The following FRAT2 variants were observed in gnomAD, a reference collection of about 807,000 sequenced individuals.
The protein encoded by FRAT2 is GSK-3-binding protein FRAT2.
For synonymous variants in FRAT2, 205 were observed against 171.5 expected (o/e 1.20, Z -1.53); for missense variants, 326 against 340.8 (o/e 0.96, Z 0.34).
rs1046160805 is a variant in FRAT2, at chr10:97,334,728, A to C, written c.-156T>G. 21 of 855,988 alleles carry C rather than the reference A, an allele frequency of 2.5e-5. No homozygotes were observed. Among genetic ancestry groups the C allele is most frequent in the Non-Finnish European group, 3.3e-5 (21 of 628,760 alleles). 53.0% of individuals were successfully genotyped at this position (855,988 alleles called of 1,614,324 possible). Reference sequence around the variant, plus strand: ...CGCGCCTGCAGCCGCTGGAGCCGGAATCCTGCCGGCTCGGGTTGATTTGTA... The same window carrying C: ...CGCGCCTGCAGCCGCTGGAGCCGGACTCCTGCCGGCTCGGGTTGATTTGTA... On this transcript the variant is annotated 5_prime_UTR_variant, in exon 1 of 1. Coordinates refer to ENST00000371019, the MANE Select transcript of FRAT2 (RefSeq NM_012083.3).
chr10:97,334,041 G>T lies in FRAT2; in HGVS notation c.532C>A (p.Leu178Ile). The change falls in exon 1 of 1, where the codon CTC (leucine) becomes ATC (isoleucine). Residue 178 changes from leucine to isoleucine, a missense_variant. Coordinates refer to ENST00000371019, the MANE Select transcript of FRAT2 (RefSeq NM_012083.3). ...ARAGDDDPHR[L>I]LQQLVLSGNL... ...CCCGAGAGCACGAGCTGCTGGAGGAGCCGATGCGGGTCGTCGTCGCCGGCG... is the reference window on the plus strand; with the variant it reads ...CCCGAGAGCACGAGCTGCTGGAGGATCCGATGCGGGTCGTCGTCGCCGGCG... 6.3e-7 allele frequency: 1 copy of T among 1,596,272 alleles called. No homozygotes were observed.
At position 97,333,325 on chromosome 10, in the gene FRAT2, T is replaced by G. The variant is rs1203915859; in HGVS notation, c.*546A>C. On this transcript the variant is annotated 3_prime_UTR_variant, in exon 1 of 1. Transcript: ENST00000371019. ...TCTCCCACCTTCACCAGCCACCGAA[T>G]CGGTGGGAAAAAGGGGCAATGCCAA... 2 of 152,324 alleles carry G rather than the reference T, an allele frequency of 1.3e-5. No homozygotes were observed. Among genetic ancestry groups the G allele is most frequent in the Non-Finnish European group, 2.9e-5 (2 of 68,148 alleles). 9.4% of individuals were successfully genotyped at this position (152,324 alleles called of 1,614,324 possible).
In FRAT2 at chr10:97,334,251, A is replaced by G. The variant is rs1309817127; in HGVS notation, c.322T>C (p.Ser108Pro). Residue 108 changes from serine to proline, a missense_variant, in exon 1 of 1, where the codon TCT becomes CCT. By Grantham distance (74) the Ser-to-Pro change is moderately conservative. Transcript: ENST00000371019. Reference sequence around the variant, plus strand: ...CCTAGGGCGCAGCGCAGGGCCCCAGAGGGCGCCGGGCCCACCGTCTCAGCC... The same window carrying G: ...CCTAGGGCGCAGCGCAGGGCCCCAGGGGGCGCCGGGCCCACCGTCTCAGCC... ...ASAETVGPAP[S>P]GALRCALGDR... 5.9e-6 allele frequency: 7 copies of G among 1,193,178 alleles called. No individual in the cohort carries two copies. The East Asian group carries it at 2.5e-4, about 43-fold the overall frequency. 73.9% of individuals were successfully genotyped at this position (1,193,178 alleles called of 1,614,324 possible).
chr10:97,334,648 C>T lies in FRAT2; in HGVS notation c.-76G>A. The T allele has an allele frequency of 7.7e-7, 1 of 1,296,540 alleles. No homozygotes were observed. The highest frequency in any genetic ancestry group is 3.1e-5 in the East Asian group (1 of 31,750). 80.3% of individuals were successfully genotyped at this position (1,296,540 alleles called of 1,614,324 possible). A position where few individuals can be genotyped will look rare whatever the true frequency, so the allele number is the denominator to read the frequency against. On this transcript the variant is annotated 5_prime_UTR_variant, in exon 1 of 1. Transcript: ENST00000371019. The stretch of plus-strand genomic sequence containing the variant: ...TTGCCCGCGGGCGCGGAGCTGCGGG[C>T]GAAGCCGGAGCAGGGGCGGACGCGG...
Position 97,334,578 on chromosome 10 carries a change from C to T in FRAT2, c.-6G>A. ...TCCTCCCTCCGGCACGGCATGGCCC[C>T]CCGTCCTGGCACCCGGAGCTGTGCG... On this transcript the variant is annotated 5_prime_UTR_variant, in exon 1 of 1. Coordinates refer to ENST00000371019, the MANE Select transcript of FRAT2 (RefSeq NM_012083.3). The T allele has an allele frequency of 7.0e-7, 1 of 1,436,200 alleles. No individual in the cohort carries two copies. Among genetic ancestry groups the T allele is most frequent in the African/African-American group, 1.5e-5 (1 of 68,224 alleles). 89.0% of individuals were successfully genotyped at this position (1,436,200 alleles called of 1,614,324 possible).
In FRAT2 at chr10:97,333,914, C is replaced by T. The variant is rs1296738759; in HGVS notation, c.659G>A (p.Gly220Glu). The T allele has an allele frequency of 6.4e-7, 1 of 1,569,168 alleles. No homozygotes were observed. Among genetic ancestry groups the T allele is most frequent in the South Asian group, 1.2e-5 (1 of 86,614 alleles). Residue 220 changes from glycine (G) to glutamate (E), a missense_variant, in exon 1 of 1, where the codon GGA becomes GAA. Gly to Glu is a moderately conservative substitution (Grantham distance 98, BLOSUM62 -2). Coordinates refer to ENST00000371019, the MANE Select transcript of FRAT2 (RefSeq NM_012083.3). ...GGGCTGCAGGGCAATGCGGTCAGGT[C>T]CGCTGCGGCCTCCCCCGGGCCCAGG... ...SAPGPGGGRS[G>E]PDRIALQPSG...
Position 97,333,960 on chromosome 10 carries a change from C to G in FRAT2, c.613G>C (p.Ala205Pro), listed in dbSNP as rs901798633. 4 of 1,578,940 alleles carry G rather than the reference C, an allele frequency of 2.5e-6. No homozygotes were observed. The African/African-American group carries it at 4.0e-5, about 16-fold the overall frequency. ...RLQRAVAAVAATGPASAPGPG... is the reference protein window; with the variant it reads ...RLQRAVAAVAPTGPASAPGPG... Reference sequence around the variant, plus strand: ...CCAGGGGCGCTTGCGGGGCCCGTGGCTGCAACCGCGGCGACGGCTCGTTGG... The same window carrying G: ...CCAGGGGCGCTTGCGGGGCCCGTGGGTGCAACCGCGGCGACGGCTCGTTGG... The change falls in exon 1 of 1, where the codon GCC becomes CCC. Residue 205 changes from alanine (A) to proline (P), a missense_variant. Coordinates refer to ENST00000371019, the MANE Select transcript of FRAT2 (RefSeq NM_012083.3).
In FRAT2 at chr10:97,334,309, G is replaced by A. The variant is rs1391145222; in HGVS notation, c.264C>T (p.Pro88=). The change falls in exon 1 of 1, where the codon CCC becomes CCT. Residue 88 remains proline, a synonymous_variant. Coordinates refer to ENST00000371019, the MANE Select transcript of FRAT2 (RefSeq NM_012083.3). ...AAAVPADKAR[P]PAVPLLLPPA... ...GCGGCAGCAGCAGCGGCACCGCCGGGGGCCGGGCCTTGTCCGCCGGCACCG... is the reference window on the plus strand; with the variant it reads ...GCGGCAGCAGCAGCGGCACCGCCGGAGGCCGGGCCTTGTCCGCCGGCACCG... The A allele has an allele frequency of 1.6e-5, 18 of 1,136,296 alleles. No individual in the cohort carries two copies. The highest frequency in any genetic ancestry group is 1.8e-5 in the Non-Finnish European group (17 of 928,410). The allele number at this position is 1,136,296 out of a possible 1,614,324, so 70.4% of individuals were successfully genotyped here.
chr10:97,334,480 C>G lies in FRAT2; in HGVS notation c.93G>C (p.Ser31=). 4 of 1,493,484 alleles carry G rather than the reference C, an allele frequency of 2.7e-6. No homozygotes were observed. Among genetic ancestry groups the G allele is most frequent in the Non-Finnish European group, 3.6e-6 (4 of 1,126,544 alleles). 92.5% of individuals were successfully genotyped at this position (1,493,484 alleles called of 1,614,324 possible). A position where few individuals can be genotyped will look rare whatever the true frequency, so the allele number is the denominator to read the frequency against. Residue 31 remains serine, a synonymous_variant, in exon 1 of 1, where the codon TCG becomes TCC. Transcript: ENST00000371019. ...CCTCGCCCGAGCTGCCCAGCGTCAC[C>G]GACTGCTGCAGCAGGAGGAAGCTGT... ...EDDSFLLLQQ[S]VTLGSSGEVD...
Position 97,333,934 on chromosome 10 carries a change from C to T in FRAT2, c.639G>A (p.Gly213=), listed in dbSNP as rs1242069981. 1 of 1,574,392 alleles carries T rather than the reference C, an allele frequency of 6.4e-7. No individual in the cohort carries two copies. The highest frequency in any genetic ancestry group is 1.8e-5 in the Admixed American group (1 of 54,584). ...CAGGTCCGCTGCGGCCTCCCCCGGG[C>T]CCAGGGGCGCTTGCGGGGCCCGTGG... is the stretch of plus-strand genomic sequence containing the variant. ...VAATGPASAP[G]PGGGRSGPDR... The change falls in exon 1 of 1, where the codon GGG becomes GGA. Residue 213 remains glycine, a synonymous_variant. Coordinates refer to ENST00000371019, the MANE Select transcript of FRAT2 (RefSeq NM_012083.3).
Position 97,334,685 on chromosome 10 carries a change from C to G in FRAT2, c.-113G>C. The G allele has an allele frequency of 2.5e-6, 3 of 1,223,120 alleles. No individual in the cohort carries two copies. Among genetic ancestry groups the G allele is most frequent in the Non-Finnish European group, 2.1e-6 (2 of 962,262 alleles). The allele number at this position is 1,223,120 out of a possible 1,614,324, so 75.8% of individuals were successfully genotyped here. On this transcript the variant is annotated 5_prime_UTR_variant, in exon 1 of 1. Coordinates refer to ENST00000371019, the MANE Select transcript of FRAT2 (RefSeq NM_012083.3). ...AGGGGCGGACGCGGAAGCCGGAGCC[C>G]GCCAGGCACTCGAGCCACGCGCCTG...
chr10:97,333,558 T>G lies in FRAT2; in HGVS notation c.*313A>C. Reference sequence around the variant, plus strand: ...GCTCACGACGCCCCCAAGGGCTAAGTGAGGTACAAGTCGATGCAAGTAGCT... The same window carrying G: ...GCTCACGACGCCCCCAAGGGCTAAGGGAGGTACAAGTCGATGCAAGTAGCT... On this transcript the variant is annotated 3_prime_UTR_variant, in exon 1 of 1. Coordinates refer to ENST00000371019, the MANE Select transcript of FRAT2 (RefSeq NM_012083.3). 1 of 336,400 alleles carries G rather than the reference T, an allele frequency of 3.0e-6. No individual in the cohort carries two copies. Among genetic ancestry groups the G allele is most frequent in the African/African-American group, 2.1e-5 (1 of 47,412 alleles). 20.8% of individuals were successfully genotyped at this position (336,400 alleles called of 1,614,324 possible).
Position 97,334,117 on chromosome 10 carries a change from C to G in FRAT2, c.456G>C (p.Ala152=), listed in dbSNP as rs1403193685. The change falls in exon 1 of 1, where the codon GCG becomes GCC. Residue 152 remains alanine (A), a synonymous_variant. Coordinates refer to ENST00000371019, the MANE Select transcript of FRAT2 (RefSeq NM_012083.3). The part of the protein sequence containing the change: ...GPCRRGWLRD[A]VTSRRLQQRR... ...GCTGCTGCAAGCGGCGGGAGGTGAC[C>G]GCGTCCCTGAGCCATCCTCGCCGGC... 3 of 1,570,032 alleles carry G rather than the reference C, an allele frequency of 1.9e-6. No homozygotes were observed. The highest frequency in any genetic ancestry group is 2.6e-6 in the Non-Finnish European group (3 of 1,167,676).
Position 97,333,787 on chromosome 10 carries a change from G to C in FRAT2, c.*84C>G. The stretch of plus-strand genomic sequence containing the variant: ...AAGTGGTCGCTCCCAGGCTGGCGAC[G>C]TCGGCTTCAGCTCAGAGTTAGTAGG... On this transcript the variant is annotated 3_prime_UTR_variant, in exon 1 of 1. Transcript: ENST00000371019. 1 of 1,346,266 alleles carries C rather than the reference G, an allele frequency of 7.4e-7. No homozygotes were observed. Among genetic ancestry groups the C allele is most frequent in the Non-Finnish European group, 9.6e-7 (1 of 1,044,074 alleles). The allele number at this position is 1,346,266 out of a possible 1,614,324, so 83.4% of individuals were successfully genotyped here. A position where few individuals can be genotyped will look rare whatever the true frequency, so the allele number is the denominator to read the frequency against.
Position 97,334,176 on chromosome 10 carries a change from C to G in FRAT2, c.397G>C (p.Val133Leu). The G allele has an allele frequency of 2.2e-6, 3 of 1,391,172 alleles. No individual in the cohort carries two copies. Among genetic ancestry groups the G allele is most frequent in the Non-Finnish European group, 2.8e-6 (3 of 1,082,608 alleles). The allele number at this position is 1,391,172 out of a possible 1,614,324, so 86.2% of individuals were successfully genotyped here. The change falls in exon 1 of 1, where the codon GTC becomes CTC. Residue 133 changes from valine to leucine, a missense_variant. Transcript: ENST00000371019. ...GRAAPYCVAE[V>L]AAGPSALPGP... ...GGCAGCGCGCTGGGGCCTGCGGCGACCTCCGCCACGCAGTAGGGCGCAGCG... is the reference window on the plus strand; with the variant it reads ...GGCAGCGCGCTGGGGCCTGCGGCGAGCTCCGCCACGCAGTAGGGCGCAGCG...
Position 97,334,074 on chromosome 10 carries a change from C to G in FRAT2, c.499G>C (p.Gly167Arg), listed in dbSNP as rs764959921. Reference sequence around the variant, plus strand: ...GGGTCGTCGTCGCCGGCGCGTGCCCCGGCTTGGGTCCATCGGCGCTGCTGC... The same window carrying G: ...GGGTCGTCGTCGCCGGCGCGTGCCCGGGCTTGGGTCCATCGGCGCTGCTGC... ...RLQQRRWTQA[G>R]ARAGDDDPHR... Residue 167 changes from glycine to arginine, a missense_variant, in exon 1 of 1, where the codon GGG (glycine) becomes CGG (arginine). Gly to Arg is a moderately radical substitution (Grantham distance 125). Coordinates refer to ENST00000371019, the MANE Select transcript of FRAT2 (RefSeq NM_012083.3). 116 of 1,593,528 alleles carry G rather than the reference C, an allele frequency of 7.3e-5. No homozygotes were observed. The highest frequency in any genetic ancestry group is 9.4e-5 in the Non-Finnish European group (111 of 1,178,072).
Position 97,334,572 on chromosome 10 carries a change from TG to T in FRAT2, c.-1del. On this transcript the variant is annotated 5_prime_UTR_variant, in exon 1 of 1. Coordinates refer to ENST00000371019, the MANE Select transcript of FRAT2 (RefSeq NM_012083.3). ...TCTTCCTCCTCCCTCCGGCACGGCA[TG>T]GCCCCCCGTCCTGGCACCCGGAGCT... is the stretch of plus-strand genomic sequence containing the variant. The T allele has an allele frequency of 6.9e-7, 1 of 1,447,146 alleles. No homozygotes were observed. The highest frequency in any genetic ancestry group is 9.1e-7 in the Non-Finnish European group (1 of 1,098,262). 89.6% of individuals were successfully genotyped at this position (1,447,146 alleles called of 1,614,324 possible).
Position 97,333,974 on chromosome 10 carries a change from A to G in FRAT2, c.599T>C (p.Val200Ala). The G allele has an allele frequency of 6.3e-7, 1 of 1,583,206 alleles. No individual in the cohort carries two copies. The highest frequency in any genetic ancestry group is 8.5e-7 in the Non-Finnish European group (1 of 1,172,674). Reference sequence around the variant, plus strand: ...GGGGCCCGTGGCTGCAACCGCGGCGACGGCTCGTTGGAGTCTCCGCACGGC... The same window carrying G: ...GGGGCCCGTGGCTGCAACCGCGGCGGCGGCTCGTTGGAGTCTCCGCACGGC... ...KEAVRRLQRA[V>A]AAVAATGPAS... Residue 200 changes from valine (V) to alanine (A), a missense_variant, in exon 1 of 1, where the codon GTC (valine) becomes GCC (alanine). Physicochemically the swap from Val to Ala is moderately conservative, Grantham distance 64. Coordinates refer to ENST00000371019, the MANE Select transcript of FRAT2 (RefSeq NM_012083.3).
In FRAT2 at chr10:97,333,891, G is replaced by A. The variant is rs866365585; in HGVS notation, c.682C>T (p.Pro228Ser). ...CTGCGTCAGAGCAAGGAGCCTGAGG[G>A]CTGCAGGGCAATGCGGTCAGGTCCG... ...RSGPDRIALQ[P>S]SGSLL Residue 228 changes from proline (P) to serine (S), a missense_variant, in exon 1 of 1, where the codon CCC becomes TCC. Transcript: ENST00000371019. The A allele has an allele frequency of 1.9e-6, 3 of 1,548,526 alleles. No individual in the cohort carries two copies. Among genetic ancestry groups the A allele is most frequent in the Non-Finnish European group, 2.6e-6 (3 of 1,153,314 alleles).
Sources: allele counts gnomAD v4.1 joint callset, GRCh38; gene constraint gnomAD v4.1.1; transcripts MANE v1.5; gene names NCBI Gene and HGNC (gene_info 2026-07-23, HGNC 2026-07-21).